Variants in RLF observed in about 807,000 individuals in gnomAD.
RLF encodes the protein zinc finger protein Rlf.
Under a neutral mutation model 162.9 loss-of-function variants are expected in RLF, and 7 were observed. That is an observed-to-expected ratio of 0.04 (90% CI 0.02 to 0.08). The LOEUF (loss-of-function observed/expected upper bound fraction) is 0.08. Among genes scored for constraint, RLF ranks in the 10% least tolerant of loss-of-function variants. The probability of loss-of-function intolerance (pLI) is 1.00; values close to 1 mark genes in which losing one functional copy is unlikely to be tolerated. For missense variants in RLF, 1,664 were observed against 2,244.7 expected (o/e 0.74, Z 5.23); for synonymous variants, 782 against 791.5 (o/e 0.99, Z 0.20).
intron 5 of RLF, among the ~76,000 whole-genome samples, chr1:40,218,662 G>T (rs1167570864): frequency 6.6e-6 from 1 of 151,140 alleles, no homozygotes; most frequent in African/African-American, 2.4e-5. Flanking sequence ...CTTTTCCTTG[G>T]AATCTTTGTG....
At chr1:40,211,377 C>T (rs578068405) in intron 5 of RLF, among the ~76,000 whole-genome samples, 1 of 152,304 alleles carries the variant, frequency 6.6e-6, no homozygotes, top group South Asian at 2.1e-4. Flanking sequence ...GCCTTCTTTC[C>T]ACTCTACCAC....
At chr1:40,211,504 G>A (rs1642864534) in intron 5 of RLF, among the ~76,000 whole-genome samples, 1 of 152,310 alleles carries the variant, frequency 6.6e-6, no homozygotes, top group East Asian at 1.9e-4. Context: ...TTATCATGAT[G>A]TGGATTAATT....
At position 40,237,612 on chromosome 1, in the gene RLF, A is replaced by T; in HGVS notation, c.2910A>T (p.Gly970=). 1 of 1,614,166 alleles carries T rather than the reference A, an allele frequency of 6.2e-7. No homozygotes were observed. The highest frequency in any genetic ancestry group is 8.5e-7 in the Non-Finnish European group (1 of 1,180,008). The change falls in exon 8 of 8, where the codon GGA becomes GGT. Residue 970 remains glycine, a synonymous_variant. Coordinates refer to ENST00000372771, the MANE Select transcript of RLF (RefSeq NM_012421.4). This position sits in a 1 kb window ranked among gnomAD's most constrained non-coding sequence, Gnocchi z 4.4. ...GTTCCACATACAAAAATGCAAGAGG[A>T]ATGCAGAAACATTTACGGAAGGTTC... The part of the protein sequence containing the change: ...GCGSTYKNAR[G]MQKHLRKVHP...
At chr1:40,215,857 C>T (rs948539567) in intron 5 of RLF, among the ~76,000 whole-genome samples, 1 of 151,682 alleles carries the variant, frequency 6.6e-6, no homozygotes, top group Non-Finnish European at 1.5e-5. Context: ...AGCCAATAAC[C>T]TAACGATTCA....
In RLF at chr1:40,237,105, C is replaced by T. The variant is rs1643226153; in HGVS notation, c.2403C>T (p.Tyr801=). ...CACAACACTTTAGGGATGCATCTTA[C>T]ACATGCAACTTCCTTGGCTGTAAAA... The part of the protein sequence containing the change: ...HEAQHFRDAS[Y]TCNFLGCKKF... Residue 801 remains tyrosine, a synonymous_variant, in exon 8 of 8, where the codon TAC becomes TAT. Coordinates refer to ENST00000372771, the MANE Select transcript of RLF (RefSeq NM_012421.4). This position sits in a 1 kb window ranked among gnomAD's most constrained non-coding sequence, Gnocchi z 4.4. 3 of 1,613,918 alleles carry T rather than the reference C, an allele frequency of 1.9e-6. No homozygotes were observed. Among genetic ancestry groups the T allele is most frequent in the South Asian group, 1.1e-5 (1 of 91,070 alleles).
chr1:40,190,818 T>A lies in RLF; in HGVS notation c.439T>A (p.Cys147Ser). ...LLSVSESELP[C>S]EVWLPFLQSL... Reference sequence around the variant, plus strand: ...TTCAGTGTCTGAAAGTGAACTGCCATGTGAAGTCTGGCTACCATTCCTTCA... The same window carrying A: ...TTCAGTGTCTGAAAGTGAACTGCCAAGTGAAGTCTGGCTACCATTCCTTCA... The change falls in exon 3 of 8, where the codon TGT becomes AGT. Residue 147 changes from cysteine (C) to serine (S), a missense_variant. This residue lies in a region of RLF where 287 missense variants were observed against 404.9 expected (regional missense o/e 0.71). Transcript: ENST00000372771. 6.2e-7 allele frequency: 1 copy of A among 1,613,330 alleles called. No homozygotes were observed. Among genetic ancestry groups the A allele is most frequent in the Non-Finnish European group, 8.5e-7 (1 of 1,179,526 alleles).
chr1:40,235,428 C>T (rs1471142443), intron 7 of RLF, among the ~76,000 whole-genome samples: 1 of 152,188 alleles, frequency 6.6e-6, no homozygotes, highest in Non-Finnish European at 1.5e-5. Context: ...CCATTTTAAA[C>T]CCTGCCCCTC....
In RLF at chr1:40,239,190, A is replaced by G. The variant is rs1643257722; in HGVS notation, c.4488A>G (p.Thr1496=). The G allele has an allele frequency of 6.2e-7, 1 of 1,614,172 alleles. No homozygotes were observed. The highest frequency in any genetic ancestry group is 8.5e-7 in the Non-Finnish European group (1 of 1,180,028). The change falls in exon 8 of 8, where the codon ACA becomes ACG. Residue 1496 remains threonine, a synonymous_variant. Transcript: ENST00000372771. ...TAAGGAGTGAAAAGGTATGTCAAAC[A>G]GCTGATACTCAGGGGCATGAACATC... is the stretch of plus-strand genomic sequence containing the variant. ...RLLRSEKVCQ[T]ADTQGHEHQT...
In RLF at chr1:40,231,528, T is replaced by G. The variant is rs1317189210; in HGVS notation, c.959T>G (p.Leu320Arg). ...ASVYCSWELT[L>R]FWSKLQRRID... ...TTCTTTTTTTATAGGGAACTGACTC[T>G]TTTTTGGAGTAAACTGCAAAGAAGA... is the stretch of plus-strand genomic sequence containing the variant. The change falls in exon 7 of 8, where the codon CTT becomes CGT. Residue 320 changes from leucine (L) to arginine (R), a missense_variant. Physicochemically the swap from Leu to Arg is moderately radical, Grantham distance 102 (BLOSUM62 -2). Around this residue, in one of 15 missense-constraint regions of RLF, gnomAD observed 287 missense variants for 404.9 expected, o/e 0.71. Coordinates refer to ENST00000372771, the MANE Select transcript of RLF (RefSeq NM_012421.4). 6.2e-7 allele frequency: 1 copy of G among 1,612,172 alleles called. No homozygotes were observed. The highest frequency in any genetic ancestry group is 1.7e-5 in the Admixed American group (1 of 59,680).
intron 4 of RLF, among the ~76,000 whole-genome samples, chr1:40,198,095 C>A (rs987997995): frequency 1.3e-5 from 2 of 151,870 alleles, no homozygotes; most frequent in Admixed American, 6.6e-5. Flanking sequence ...CCTCTGCCTC[C>A]GGGGTTTAAG....
intron 1 of RLF, among the ~76,000 whole-genome samples, chr1:40,184,398 T>C (rs565622742): frequency 6.6e-6 from 1 of 152,270 alleles, no homozygotes; most frequent in East Asian, 1.9e-4. Context: ...AGATAAAGCA[T>C]AGGGACAGGA....
intron 4 of RLF, among the ~76,000 whole-genome samples, chr1:40,196,661 A>G (rs959357389): frequency 6.6e-6 from 1 of 152,042 alleles, no homozygotes; most frequent in African/African-American, 2.4e-5. Context: ...CACTGTGTAC[A>G]GTTAATTTTT....
rs369961716 is a variant in RLF at position 40,227,686 on chromosome 1, G to A, written c.948-3831G>A. On this transcript the variant is annotated intron_variant, in intron 6 of 7. Coordinates refer to ENST00000372771, the MANE Select transcript of RLF (RefSeq NM_012421.4). ...CTTAATTTGGAATAAACCAAGCCCT[G>A]GACATTCTGACTTACTGTTTTAAAA... 8.5e-5 allele frequency among the ~76,000 whole-genome samples: 13 copies of A among 152,234 alleles called. 1 individual carries two copies. The highest frequency in any genetic ancestry group is 3.9e-4 in the East Asian group (2 of 5,188).
rs149919678 is a variant in RLF at position 40,187,598 on chromosome 1, CTG to C, written c.238-1455_238-1454del. On this transcript the variant is annotated intron_variant, in intron 1 of 7. Transcript: ENST00000372771. ...GGTATACTAAAAATAGCTCAACTGA[CTG>C]TAATGATTCAGGTATGCAAAGATCA... Among the ~76,000 whole-genome samples the C allele has an allele frequency of 3.6e-3, 554 of 152,258 alleles. 12 individuals carry two copies. Among genetic ancestry groups the C allele is most frequent in the East Asian group, 0.032 (164 of 5,190 alleles).
At chr1:40,188,259 G>A (rs759934316) in intron 1 of RLF, among the ~76,000 whole-genome samples, 1 of 152,210 alleles carries the variant, frequency 6.6e-6, no homozygotes, top group African/African-American at 2.4e-5. Flanking sequence ...ACATAAGCCA[G>A]CTTTCCACCA....
chr1:40,189,950 A>C (rs530032889), intron 2 of RLF, among the ~76,000 whole-genome samples: 1 of 152,230 alleles, frequency 6.6e-6, no homozygotes, highest in Non-Finnish European at 1.5e-5. Context: ...ACCTTGTTCA[A>C]CTTACAGATT....
At chr1:40,211,037 T>C (rs1248020979) in intron 5 of RLF, among the ~76,000 whole-genome samples, 1 of 152,246 alleles carries the variant, frequency 6.6e-6, no homozygotes, top group Non-Finnish European at 1.5e-5. Context: ...AAAGCTTTAC[T>C]GGCACAAAGT....
chr1:40,194,750 G>A (rs7415236), intron 3 of RLF, among the ~76,000 whole-genome samples: 9,078 of 152,000 alleles, frequency 0.06, 349 homozygotes, highest in South Asian at 0.12. Context: ...AATTTTACCA[G>A]GGAGGAATTC....
In RLF at chr1:40,239,178, G is replaced by T. The variant is rs1643257395; in HGVS notation, c.4476G>T (p.Lys1492Asn). The T allele has an allele frequency of 1.2e-6, 2 of 1,614,072 alleles. No individual in the cohort carries two copies. Among genetic ancestry groups the T allele is most frequent in the Non-Finnish European group, 1.7e-6 (2 of 1,180,026 alleles). ...ATGAGAGACTACTAAGGAGTGAAAAGGTATGTCAAACAGCTGATACTCAGG... is the reference window on the plus strand; with the variant it reads ...ATGAGAGACTACTAAGGAGTGAAAATGTATGTCAAACAGCTGATACTCAGG... ...VANERLLRSE[K>N]VCQTADTQGH... Residue 1492 changes from lysine (K) to asparagine (N), a missense_variant, in exon 8 of 8, where the codon AAG (lysine) becomes AAT (asparagine). Transcript: ENST00000372771.
Sources: gnomAD v4.1 joint callset for allele counts (sites outside exome capture counted in the v4.1 genomes callset) on GRCh38, gnomAD v4.1.1 for gene constraint, gnomAD v4.1.1 regional missense constraint, Gnocchi (gnomAD v3.1) non-coding constraint, MANE v1.5 for transcripts, NCBI Gene and HGNC (gene_info 2026-07-23, HGNC 2026-07-21) for gene names.